MORN5: variants seen among roughly 807,000 people sequenced by gnomAD.
The protein encoded by MORN5 is MORN repeat containing 5.
Under a neutral mutation model 22.1 loss-of-function variants are expected in MORN5, and 21 were observed. The observed-to-expected ratio is 0.95, with a 90% confidence interval of 0.67 to 1.37. MORN5 has a LOEUF of 1.37. MORN5 is among the 40% of genes most tolerant of loss of function. The pLI, the probability that MORN5 is intolerant of heterozygous loss-of-function variation, is 0.00. For missense variants in MORN5, 211 were observed against 215.1 expected, an observed-to-expected ratio of 0.98 and a Z score of 0.12; for synonymous variants, 73 against 74.0, an observed-to-expected ratio of 0.99 and a Z score of 0.07.
chr9:122,164,760 A>ACCCCC, intron 1 of MORN5: 1 of 283,974 alleles, frequency 3.5e-6, no homozygotes, highest in Non-Finnish European at 5.3e-6. Context: ...AGGGAAGGAG[A>ACCCCC]AGAGGAATTC....
chr9:122,166,135 T>A (rs1049944476), intron 1 of MORN5, among the ~76,000 whole-genome samples: 1 of 152,102 alleles, frequency 6.6e-6, no homozygotes, highest in African/African-American at 2.4e-5. Context: ...TTATTCACTA[T>A]CATGAGAACA....
At chr9:122,192,868 C>T (rs888694045) in intron 4 of MORN5, among the ~76,000 whole-genome samples, 1 of 152,220 alleles carries the variant, frequency 6.6e-6, no homozygotes, top group Non-Finnish European at 1.5e-5. Context: ...AATTCCTCCC[C>T]CTTTGTCAAA....
At chr9:122,194,361 G>A (rs1183028758) in intron 4 of MORN5, among the ~76,000 whole-genome samples, 2 of 152,210 alleles carry the variant, frequency 1.3e-5, no homozygotes, top group Non-Finnish European at 2.9e-5. Flanking sequence ...GGTCTCACTG[G>A]AGCTTACAGT....
intron 4 of MORN5, among the ~76,000 whole-genome samples, chr9:122,188,180 G>A (rs913239228): frequency 1.3e-5 from 2 of 152,236 alleles, no homozygotes; most frequent in Admixed American, 1.3e-4. Context: ...CAGTCCTTCA[G>A]ACGGTGAGGA....
chr9:122,168,062 A>T (rs543949122), intron 2 of MORN5, among the ~76,000 whole-genome samples: 19 of 152,320 alleles, frequency 1.2e-4, no homozygotes, highest in African/African-American at 4.6e-4. Context: ...CCACTTCAGG[A>T]TCCTTCATTT....
In MORN5 at chr9:122,197,722, T is replaced by C. The variant is rs2118793277; in HGVS notation, c.440-2163T>C. On this transcript the variant is annotated intron_variant, in intron 4 of 4. Transcript: ENST00000373764. The surrounding 1 kb of genome is among the most constrained non-coding windows in gnomAD (Gnocchi z 5.7). ...ACCCAGTTTGTCTGGTTTCAGGGGTTACTGCTGAAGAGGTTGCAGCTGCAC... is the reference window on the plus strand; with the variant it reads ...ACCCAGTTTGTCTGGTTTCAGGGGTCACTGCTGAAGAGGTTGCAGCTGCAC... Among the ~76,000 whole-genome samples the C allele has an allele frequency of 6.6e-6, 1 of 152,318 alleles. No homozygotes were observed. Among genetic ancestry groups the C allele is most frequent in the Admixed American group, 6.5e-5 (1 of 15,294 alleles).
At chr9:122,164,033 C>G (rs575258486) in intron 1 of MORN5, among the ~76,000 whole-genome samples, 6 of 152,152 alleles carry the variant, frequency 3.9e-5, no homozygotes, top group Non-Finnish European at 7.3e-5. Flanking sequence ...CACAGATATG[C>G]GCCACCATGC....
intron 1 of MORN5, among the ~76,000 whole-genome samples, chr9:122,163,199 C>T (rs895511805): frequency 6.6e-6 from 1 of 152,192 alleles, no homozygotes; most frequent in African/African-American, 2.4e-5. Flanking sequence ...AAGGGACGCC[C>T]ATAGCATTTA....
chr9:122,189,313 T>C (rs372900621), intron 4 of MORN5, among the ~76,000 whole-genome samples: 11 of 152,156 alleles, frequency 7.2e-5, no homozygotes, highest in African/African-American at 2.7e-4. Context: ...AGACTGGCTA[T>C]GTGGGCCAGG....
chr9:122,180,282 CTTT>C (rs938997436), intron 4 of MORN5, among the ~76,000 whole-genome samples: 1 of 107,508 alleles, frequency 9.3e-6, no homozygotes. Flanking sequence ...ACATTTTCTT[CTTT>C]TTTTTTTTTT....
chr9:122,162,264 A>G (rs10985554), intron 1 of MORN5, among the ~76,000 whole-genome samples: 53,325 of 152,064 alleles, frequency 0.35, 10,944 homozygotes, highest in Middle Eastern at 0.49. Context: ...ATACTCAATC[A>G]ATTTTTTTTA....
intron 4 of MORN5, among the ~76,000 whole-genome samples, chr9:122,187,694 A>G (rs552511097): frequency 1.3e-5 from 2 of 152,344 alleles, no homozygotes; most frequent in South Asian, 4.1e-4. Context: ...CATAAACCAA[A>G]AAAAAGCACA....
At chr9:122,189,566 A>G (rs1159719024) in intron 4 of MORN5, among the ~76,000 whole-genome samples, 1 of 152,116 alleles carries the variant, frequency 6.6e-6, no homozygotes, top group East Asian at 1.9e-4. Context: ...TGTGCACTAC[A>G]GCTTGGGTGA....
Position 122,200,046 on chromosome 9 carries a change from C to A in MORN5, c.*115C>A. 1 of 1,001,798 alleles carries A rather than the reference C, an allele frequency of 1.0e-6. No individual in the cohort carries two copies. Among genetic ancestry groups the A allele is most frequent in the Non-Finnish European group, 1.6e-6 (1 of 638,610 alleles). The allele number at this position is 1,001,798 out of a possible 1,614,324, so 62.1% of individuals were successfully genotyped here. On this transcript the variant is annotated 3_prime_UTR_variant, in exon 5 of 5. Coordinates refer to ENST00000373764, the MANE Select transcript of MORN5 (RefSeq NM_198469.4). ...TGGGGGACGGGCTGTAGTTCTAGAA[C>A]CTGATTTTAACTCAGGAATAAAGAC...
chr9:122,185,706 TC>T (rs1829618417), intron 4 of MORN5, among the ~76,000 whole-genome samples: 1 of 152,146 alleles, frequency 6.6e-6, no homozygotes, highest in South Asian at 2.1e-4. Context: ...ACTCCCCTAA[TC>T]TTGAAGCCAC....
At chr9:122,175,714 G>T (rs10985558) in intron 4 of MORN5, 477,777 of 983,902 alleles carry the variant, frequency 0.49, 122,173 homozygotes, top group Non-Finnish European at 0.52. Flanking sequence ...GAAACTGCCA[G>T]GTAGACCAGA....
chr9:122,180,506 G>A lies in MORN5; in HGVS notation c.439+5879G>A, dbSNP rs920069407. Among the ~76,000 whole-genome samples, 6 of 152,004 alleles carry A rather than the reference G, an allele frequency of 3.9e-5. No individual in the cohort carries two copies. The East Asian group carries it at 5.8e-4, about 15-fold the overall frequency. ...TCACCATGTTAGCTGGGCTGGTCTC[G>A]AACTCCTGACCTCAGGTGATCCGCC... On this transcript the variant is annotated intron_variant, in intron 4 of 4. Coordinates refer to ENST00000373764, the MANE Select transcript of MORN5 (RefSeq NM_198469.4).
At chr9:122,161,240 G>A (rs1829193779) in intron 1 of MORN5, among the ~76,000 whole-genome samples, 1 of 152,218 alleles carries the variant, frequency 6.6e-6, no homozygotes, top group Non-Finnish European at 1.5e-5. Context: ...GGCATTCTGA[G>A]TTAATAGGAA....
chr9:122,179,565 C>T (rs900154466), intron 4 of MORN5, among the ~76,000 whole-genome samples: 1 of 152,102 alleles, frequency 6.6e-6, no homozygotes, highest in African/African-American at 2.4e-5. Context: ...GGGCCCCTTT[C>T]TCTTCATCTT....
Sources: gnomAD v4.1 joint callset for allele counts (sites outside exome capture counted in the v4.1 genomes callset) on GRCh38, gnomAD v4.1.1 for gene constraint, Gnocchi (gnomAD v3.1) non-coding constraint, MANE v1.5 for transcripts, NCBI Gene and HGNC (gene_info 2026-07-23, HGNC 2026-07-21) for gene names.